Variants in PKIB observed in about 807,000 individuals in gnomAD.
The protein encoded by PKIB is cAMP-dependent protein kinase inhibitor beta.
A neutral mutation model predicts 4.5 loss-of-function variants in PKIB; 2 were observed. The observed-to-expected ratio is 0.44, with a 90% confidence interval of 0.18 to 1.39. The LOEUF (loss-of-function observed/expected upper bound fraction) is 1.39, where lower values mean the gene tolerates loss of function less well. Among genes scored for constraint, PKIB ranks in the 40% most tolerant of loss-of-function variants. The pLI, the probability that PKIB is intolerant of heterozygous loss-of-function variation, is 0.27. For synonymous variants in PKIB, 38 were observed against 36.0 expected, an observed-to-expected ratio of 1.06 and a Z score of -0.20; for missense variants, 94 against 92.6, an observed-to-expected ratio of 1.02 and a Z score of -0.06.
At chr6:122,717,332 G>A (rs1184097891) in intron 3 of PKIB, among the ~76,000 whole-genome samples, 1 of 152,146 alleles carries the variant, frequency 6.6e-6, no homozygotes, top group African/African-American at 2.4e-5. Flanking sequence ...TTTCTAAGAA[G>A]TAGGAAAAGA....
At chr6:122,474,851 C>G (rs1180721688) in intron 1 of PKIB, among the ~76,000 whole-genome samples, 1 of 152,000 alleles carries the variant, frequency 6.6e-6, no homozygotes, top group African/African-American at 2.4e-5. Flanking sequence ...CTATTGTACC[C>G]TGAGAAAAAT....
chr6:122,510,865 T>G (rs1488302779), intron 2 of PKIB, among the ~76,000 whole-genome samples: 1 of 151,954 alleles, frequency 6.6e-6, no homozygotes, highest in African/African-American at 2.4e-5. Context: ...GAACTGTGGG[T>G]TGGGCAATAA....
At chr6:122,473,242 A>C (rs902572369) in intron 1 of PKIB, among the ~76,000 whole-genome samples, 13 of 152,244 alleles carry the variant, frequency 8.5e-5, no homozygotes, top group Admixed American at 5.2e-4. Flanking sequence ...AGTACCAGAG[A>C]AGGAGACAAA....
chr6:122,520,796 A>AT (rs906187415), intron 2 of PKIB, among the ~76,000 whole-genome samples: 4 of 152,082 alleles, frequency 2.6e-5, no homozygotes, highest in Non-Finnish European at 4.4e-5. Context: ...CAATCAACAC[A>AT]TTTTTTGCCA....
chr6:122,501,412 A>C (rs1776232372), intron 2 of PKIB, among the ~76,000 whole-genome samples: 1 of 152,206 alleles, frequency 6.6e-6, no homozygotes, highest in Non-Finnish European at 1.5e-5. Flanking sequence ...TTCTACCTGG[A>C]CATCCAAGTG....
chr6:122,551,540 T>C (rs1329950332), intron 2 of PKIB, among the ~76,000 whole-genome samples: 3 of 152,200 alleles, frequency 2.0e-5, no homozygotes, highest in African/African-American at 7.2e-5. Flanking sequence ...GTTTCTATTA[T>C]TGTTTTTCTC....
At chr6:122,573,396 C>T (rs897107729) in intron 2 of PKIB, among the ~76,000 whole-genome samples, 2 of 151,738 alleles carry the variant, frequency 1.3e-5, no homozygotes, top group African/African-American at 4.8e-5. Flanking sequence ...GTAGTACACA[C>T]ATGTTCTCCC....
rs868342543 is a variant in PKIB at position 122,726,325 on chromosome 6, A to T, written c.*1130A>T. 1 of 152,182 alleles carries T rather than the reference A, an allele frequency of 6.6e-6. No individual in the cohort carries two copies. The highest frequency in any genetic ancestry group is 1.5e-5 in the Non-Finnish European group (1 of 68,020). 9.4% of individuals were successfully genotyped at this position (152,182 alleles called of 1,614,324 possible). A position where few individuals can be genotyped will look rare whatever the true frequency, so the allele number is the denominator to read the frequency against. On this transcript the variant is annotated 3_prime_UTR_variant, in exon 5 of 5. Coordinates refer to ENST00000368452, the MANE Select transcript of PKIB (RefSeq NM_181795.3). ...GATTGTTGACTTAGGCTATGTCTGT[A>T]TACAGTAACCAAATAAACTCTTTCA... is the stretch of plus-strand genomic sequence containing the variant.
chr6:122,678,264 T>C (rs1418730320), intron 3 of PKIB, among the ~76,000 whole-genome samples: 2 of 152,128 alleles, frequency 1.3e-5, no homozygotes, highest in Non-Finnish European at 2.9e-5. Flanking sequence ...TCTATGAAAG[T>C]GAGAGCATCT....
At chr6:122,599,083 G>T (rs1429118497) in intron 3 of PKIB, among the ~76,000 whole-genome samples, 1 of 152,166 alleles carries the variant, frequency 6.6e-6, no homozygotes. Context: ...ATGTCTGGAA[G>T]CAAACAGAGG....
chr6:122,485,792 A>G (rs992543014), intron 2 of PKIB, among the ~76,000 whole-genome samples: 2 of 152,224 alleles, frequency 1.3e-5, no homozygotes, highest in East Asian at 1.9e-4. Context: ...TGAAGTCTTT[A>G]TCATGAATTA....
At chr6:122,556,961 C>T (rs1243908133) in intron 2 of PKIB, among the ~76,000 whole-genome samples, 1 of 152,184 alleles carries the variant, frequency 6.6e-6, no homozygotes, top group African/African-American at 2.4e-5. Flanking sequence ...CGCCTGTAAT[C>T]CCAGCACTTT....
intron 3 of PKIB, among the ~76,000 whole-genome samples, chr6:122,588,169 A>G (rs1303476509): frequency 6.6e-6 from 1 of 152,184 alleles, no homozygotes; most frequent in African/African-American, 2.4e-5. Context: ...CTGATATTTA[A>G]GTCTTTAATC....
intron 3 of PKIB, among the ~76,000 whole-genome samples, chr6:122,679,702 G>A (rs971517583): frequency 1.8e-4 from 27 of 152,190 alleles, no homozygotes; most frequent in African/African-American, 6.5e-4. Flanking sequence ...AGGAGGAACA[G>A]GTTTCAAAAG....
chr6:122,474,997 A>G (rs1394642896), intron 1 of PKIB, among the ~76,000 whole-genome samples: 2 of 152,216 alleles, frequency 1.3e-5, no homozygotes, highest in Non-Finnish European at 2.9e-5. Flanking sequence ...ACTCTCAAAT[A>G]TAGATTTGTC....
chr6:122,642,306 C>G (rs1481610815), intron 2 of PKIB, among the ~76,000 whole-genome samples: 3 of 152,124 alleles, frequency 2.0e-5, no homozygotes, highest in African/African-American at 7.2e-5. Context: ...CTTGAAATAT[C>G]CAGCCCAAAT....
Position 122,615,429 on chromosome 6 carries a change from T to A in PKIB, c.-161+4894T>A, listed in dbSNP as rs375295414. Among the ~76,000 whole-genome samples, 27 of 152,212 alleles carry A rather than the reference T, an allele frequency of 1.8e-4. No homozygotes were observed. In the East Asian group the frequency reaches 5.0e-3, roughly 28 times the overall value. ...ATTGAGTTTGATGGTAGTTGGGATATGAAGTTAAGAAGACATGAGAATGAA... is the reference window on the plus strand; with the variant it reads ...ATTGAGTTTGATGGTAGTTGGGATAAGAAGTTAAGAAGACATGAGAATGAA... On this transcript the variant is annotated intron_variant, in intron 1 of 4. Transcript: ENST00000368452.
intron 2 of PKIB, among the ~76,000 whole-genome samples, chr6:122,539,550 T>A (rs1777522558): frequency 6.6e-6 from 1 of 152,092 alleles, no homozygotes; most frequent in Non-Finnish European, 1.5e-5. Context: ...TCATGGTGGA[T>A]AAGCTTTTTG....
intron 2 of PKIB, among the ~76,000 whole-genome samples, chr6:122,672,855 A>G (rs1342558596): frequency 6.6e-6 from 1 of 151,946 alleles, no homozygotes; most frequent in Non-Finnish European, 1.5e-5. Flanking sequence ...GGGGCGTGCT[A>G]CTGTTCTTGA....
Sources: allele counts gnomAD v4.1 joint callset (sites outside exome capture counted in the v4.1 genomes callset), GRCh38; gene constraint gnomAD v4.1.1; transcripts MANE v1.5; gene names NCBI Gene and HGNC (gene_info 2026-07-23, HGNC 2026-07-21).